PRIM2: variants seen among roughly 807,000 people sequenced by gnomAD.
The protein encoded by PRIM2 is DNA primase large subunit.
Under a neutral mutation model 67.3 loss-of-function variants are expected in PRIM2, and 39 were observed. The observed-to-expected ratio is 0.58, with a 90% CI of 0.45 to 0.76. The LOEUF (loss-of-function observed/expected upper bound fraction) is 0.76. Among genes scored for constraint, PRIM2 ranks in the 30% least tolerant of loss-of-function variants. The probability of loss-of-function intolerance (pLI) is 0.00; values close to 1 mark genes in which losing one functional copy is unlikely to be tolerated. For missense variants in PRIM2, 398 were observed against 598.7 expected (o/e 0.66, Z 3.50); for synonymous variants, 143 against 198.7 (o/e 0.72, Z 2.36).
intron 7 of PRIM2, among the ~76,000 whole-genome samples, chr6:57,452,280 A>G (rs1772581423): frequency 6.6e-6 from 1 of 152,152 alleles, no homozygotes. Context: ...ATTATTTATA[A>G]TCCTTTGGGT....
At chr6:57,374,442 C>T (rs62418010) in intron 5 of PRIM2, among the ~76,000 whole-genome samples, 89 of 143,368 alleles carry the variant, frequency 6.2e-4, no homozygotes, top group African/African-American at 1.2e-3. Context: ...TACAGGCGCG[C>T]GCCACCATGC....
the PRIM2 span, among the ~76,000 whole-genome samples, chr6:57,228,083 C>T: frequency 2.6e-5 from 4 of 152,310 alleles, no homozygotes; most frequent in African/African-American, 9.6e-5. Flanking sequence ...AATATTGATG[C>T]ATCTCCTGGT....
At chr6:57,507,544 A>T in intron 8 of PRIM2, 90 bp downstream of exon 8, 2 of 1,379,398 alleles carry the variant, frequency 1.4e-6, no homozygotes, top group Non-Finnish European at 9.6e-7. Context: ...CCCTTCAATT[A>T]CTAAAAACTT....
chr6:57,525,028 G>C (rs1581969509), intron 8 of PRIM2, among the ~76,000 whole-genome samples: 1 of 151,624 alleles, frequency 6.6e-6, no homozygotes, highest in East Asian at 1.9e-4. Context: ...CCTATCTCAG[G>C]ACCTGCCTAA....
rs575958629 is a variant in PRIM2, at chr6:57,422,158, C to CTTTTTTTTTTTTTTTTTTTTTTT, written c.693+40004_693+40005insTTTTTTTTTTTTTTTTTTTTTTT. Among the ~76,000 whole-genome samples, 634 of 103,224 alleles carry CTTTTTTTTTTTTTTTTTTTTTTT rather than the reference C, an allele frequency of 6.1e-3. 52 individuals are homozygous for CTTTTTTTTTTTTTTTTTTTTTTT. Among genetic ancestry groups the CTTTTTTTTTTTTTTTTTTTTTTT allele is most frequent in the Non-Finnish European group, 8.0e-3 (412 of 51,370 alleles). 67.7% of individuals were successfully genotyped at this position (103,224 alleles called of 152,430 possible). A position where few individuals can be genotyped will look rare whatever the true frequency, so the allele number is the denominator to read the frequency against. ...AAATTCAAAAGTATTTCTTTTCTTT[C>CTTTTTTTTTTTTTTTTTTTTTTT]TTTTTTTTTTTTTTGAGATGGAGTC... On this transcript the variant is annotated intron_variant, in intron 7 of 13. Transcript: ENST00000615550.
intron 7 of PRIM2, among the ~76,000 whole-genome samples, chr6:57,410,541 A>G (rs1444949187): frequency 1.4e-4 from 22 of 152,104 alleles, no homozygotes; most frequent in African/African-American, 5.3e-4. Context: ...AATTAGGTAG[A>G]GTCAGTGTTT....
chr6:57,610,896 A>T (rs1348200737), intron 12 of PRIM2, among the ~76,000 whole-genome samples: 1 of 152,202 alleles, frequency 6.6e-6, no homozygotes, highest in East Asian at 1.9e-4. Context: ...ACCCAACAAC[A>T]GGAGACATGA....
chr6:57,549,656 A>G (rs1490631688), intron 10 of PRIM2, among the ~76,000 whole-genome samples: 31 of 152,204 alleles, frequency 2.0e-4, no homozygotes, highest in African/African-American at 7.2e-4. Context: ...ACATTTTCTC[A>G]ATATATTTGT....
chr6:57,377,441 T>C (rs538783335), intron 5 of PRIM2, among the ~76,000 whole-genome samples: 5 of 152,062 alleles, frequency 3.3e-5, no homozygotes, highest in African/African-American at 7.2e-5. Flanking sequence ...GTGTGGACTA[T>C]ATTGAAGCTT....
At chr6:57,587,133 T>C (rs1409311319) in intron 10 of PRIM2, 12 of 152,344 alleles carry the variant, frequency 7.9e-5, no homozygotes, top group African/African-American at 2.9e-4. Flanking sequence ...TTTCTTGCCA[T>C]TGCCTTAAAG....
intron 7 of PRIM2, among the ~76,000 whole-genome samples, chr6:57,453,568 C>G (rs1221996471): frequency 2.8e-4 from 43 of 152,210 alleles, no homozygotes; most frequent in South Asian, 4.1e-4. Flanking sequence ...GGAGTTCACT[C>G]ATGATTTGGC....
chr6:57,483,586 C>T lies in PRIM2; in HGVS notation c.694-23801C>T, dbSNP rs1220758774. ...TTTCAGTAATGAGGAGTAGATGAAA[C>T]GGTCACTGGGCAAGGCAATTGCTAA... On this transcript the variant is annotated intron_variant, in intron 7 of 13. Transcript: ENST00000615550. Among the ~76,000 whole-genome samples the T allele has an allele frequency of 1.2e-3, 182 of 152,074 alleles. 6 individuals carry two copies. In the South Asian group the frequency reaches 0.034, roughly 28 times the overall value.
chr6:57,611,785 C>T (rs1458507038), intron 12 of PRIM2, among the ~76,000 whole-genome samples: 4 of 151,944 alleles, frequency 2.6e-5, no homozygotes, highest in Admixed American at 2.6e-4. Context: ...TTTTGCTCTG[C>T]AAAAGACAGC....
At chr6:57,617,348 G>A (rs1776773700) in intron 12 of PRIM2, among the ~76,000 whole-genome samples, 1 of 152,152 alleles carries the variant, frequency 6.6e-6, no homozygotes, top group South Asian at 2.1e-4. Context: ...GATTACCTCT[G>A]TAAATAACCT....
the PRIM2 span, among the ~76,000 whole-genome samples, chr6:57,225,147 T>C: frequency 6.6e-6 from 1 of 152,230 alleles, no homozygotes; most frequent in East Asian, 1.9e-4. Context: ...AAATGGTATA[T>C]AAGCTCTTAG....
At chr6:57,270,953 C>G in the PRIM2 span, among the ~76,000 whole-genome samples, 3 of 151,924 alleles carry the variant, frequency 2.0e-5, no homozygotes, top group East Asian at 5.8e-4. Flanking sequence ...TATGTTGAAC[C>G]AGCCTTGCAT....
At chr6:57,405,602 A>C (rs200963218) in intron 7 of PRIM2, among the ~76,000 whole-genome samples, 2 of 134,938 alleles carry the variant, frequency 1.5e-5, no homozygotes, top group East Asian at 4.0e-4. Context: ...GTGATGCTTA[A>C]TAATTATGTG....
chr6:57,378,280 G>C (rs1390448200), intron 5 of PRIM2, among the ~76,000 whole-genome samples: 1 of 150,780 alleles, frequency 6.6e-6, no homozygotes, highest in Non-Finnish European at 1.5e-5. Context: ...TGCCCAGGCT[G>C]GTCTCAAACT....
At chr6:57,226,684 T>G in the PRIM2 span, among the ~76,000 whole-genome samples, 1 of 152,064 alleles carries the variant, frequency 6.6e-6, no homozygotes, top group African/African-American at 2.4e-5. Context: ...AGGGAAAACA[T>G]AGAGTAGTGG....
Sources: allele counts gnomAD v4.1 joint callset (sites outside exome capture counted in the v4.1 genomes callset), GRCh38; gene constraint gnomAD v4.1.1; transcripts MANE v1.5; gene names NCBI Gene and HGNC (gene_info 2026-07-23, HGNC 2026-07-21).